CSMD1: variants seen among roughly 807,000 people sequenced by gnomAD.
CSMD1 encodes the protein CUB and Sushi multiple domains 1.
A neutral mutation model predicts 417.5 loss-of-function variants in CSMD1; 213 were observed. The ratio of observed to expected loss-of-function variants is 0.51; its 90% CI spans 0.46 to 0.57. CSMD1 has a LOEUF of 0.57. Ranked by LOEUF, CSMD1 falls within the 20% of genes least tolerant of loss-of-function variation. The pLI, the probability that CSMD1 is intolerant of heterozygous loss-of-function variation, is 0.00. For missense variants in CSMD1, 6,923 were observed against 4,529.7 expected, an observed-to-expected ratio of 1.53 and a Z score of -15.17; for synonymous variants, 2,862 against 1,736.8, an observed-to-expected ratio of 1.65 and a Z score of -16.11.
chr8:4,373,356 C>A (rs1021843093), intron 3 of CSMD1, among the ~76,000 whole-genome samples: 2 of 152,174 alleles, frequency 1.3e-5, no homozygotes, highest in Non-Finnish European at 2.9e-5. Context: ...AATAACGTGT[C>A]ACTGTTGGTT....
Position 4,848,602 on chromosome 8 carries a change from C to A in CSMD1, c.85+145730G>T, listed in dbSNP as rs75830302. Among the ~76,000 whole-genome samples the A allele has an allele frequency of 5.5e-3, 837 of 151,888 alleles. 14 individuals carry two copies. Among genetic ancestry groups the A allele is most frequent in the East Asian group, 0.041 (209 of 5,146 alleles). ...CACCCAGGCCTGCGGTGCTGTGGCA[C>A]CGTGTCGGCTCACTACAACCTCCGT... is the stretch of plus-strand genomic sequence containing the variant. On this transcript the variant is annotated intron_variant, in intron 1 of 69. Coordinates refer to ENST00000635120, the MANE Select transcript of CSMD1 (RefSeq NM_033225.6).
intron 7 of CSMD1, among the ~76,000 whole-genome samples, chr8:3,680,309 A>G (rs1799583167): frequency 6.6e-6 from 1 of 152,134 alleles, no homozygotes; most frequent in Non-Finnish European, 1.5e-5. Context: ...TAAAGAAGAA[A>G]AGAGAGAAGA....
At chr8:4,786,583 T>C (rs376676808) in intron 1 of CSMD1, among the ~76,000 whole-genome samples, 2 of 152,340 alleles carry the variant, frequency 1.3e-5, no homozygotes, top group East Asian at 3.9e-4. Context: ...TACAGCAGTG[T>C]GGCATTTGAG....
intron 3 of CSMD1, among the ~76,000 whole-genome samples, chr8:4,091,783 T>A (rs528862093): frequency 6.6e-6 from 1 of 152,316 alleles, no homozygotes; most frequent in East Asian, 1.9e-4. Context: ...TAAGTTGTAG[T>A]CACAAGGTTG....
chr8:4,070,692 C>G (rs549133801), intron 3 of CSMD1, among the ~76,000 whole-genome samples: 23 of 152,178 alleles, frequency 1.5e-4, no homozygotes, highest in Middle Eastern at 3.4e-3. Flanking sequence ...CACTGAAGAT[C>G]CAAGTTTTCA....
At chr8:4,588,852 C>G (rs1336047369) in intron 2 of CSMD1, among the ~76,000 whole-genome samples, 4 of 152,002 alleles carry the variant, frequency 2.6e-5, no homozygotes, top group Non-Finnish European at 5.9e-5. Context: ...GGCTGCTGCT[C>G]AAGCTTCCAC....
At chr8:3,197,223 G>A (rs950754416) in intron 33 of CSMD1, among the ~76,000 whole-genome samples, 4 of 150,016 alleles carry the variant, frequency 2.7e-5, no homozygotes, top group Admixed American at 2.0e-4. Context: ...CATGATCTGT[G>A]CATGTCTGGA....
chr8:3,062,742 G>C (rs946119892), intron 49 of CSMD1, among the ~76,000 whole-genome samples: 2 of 152,046 alleles, frequency 1.3e-5, no homozygotes, highest in African/African-American at 4.8e-5. Context: ...AGCAGAATAG[G>C]GTTGGCAAAT....
intron 57 of CSMD1, among the ~76,000 whole-genome samples, chr8:2,968,156 A>G (rs1804135364): frequency 6.6e-6 from 1 of 152,194 alleles, no homozygotes; most frequent in Non-Finnish European, 1.5e-5. Context: ...TCAAAATTTC[A>G]TTTTGCAATA....
At chr8:3,341,638 C>G (rs1418960149) in intron 23 of CSMD1, among the ~76,000 whole-genome samples, 1 of 152,106 alleles carries the variant, frequency 6.6e-6, no homozygotes, top group Non-Finnish European at 1.5e-5. Context: ...CCCAGGCCAA[C>G]GTTTTCTGCT....
At chr8:4,285,151 C>T (rs918415317) in intron 3 of CSMD1, among the ~76,000 whole-genome samples, 1 of 152,146 alleles carries the variant, frequency 6.6e-6, no homozygotes, top group South Asian at 2.1e-4. Context: ...TTTTGGTTGT[C>T]CACAAGTTTT....
At chr8:4,113,254 G>T (rs528520167) in intron 3 of CSMD1, among the ~76,000 whole-genome samples, 1 of 151,996 alleles carries the variant, frequency 6.6e-6, no homozygotes, top group African/African-American at 2.4e-5. Flanking sequence ...AGAAAGGACT[G>T]CACATCTCTC....
At chr8:3,428,146 T>C (rs1813977170) in intron 12 of CSMD1, among the ~76,000 whole-genome samples, 1 of 152,316 alleles carries the variant, frequency 6.6e-6, no homozygotes, top group African/African-American at 2.4e-5. Context: ...ATTATATAGG[T>C]TTTAGAAGTT....
At chr8:4,357,586 G>C (rs930342813) in intron 3 of CSMD1, among the ~76,000 whole-genome samples, 8 of 152,212 alleles carry the variant, frequency 5.3e-5, no homozygotes, top group African/African-American at 7.2e-5. Flanking sequence ...GGTCTGCTTA[G>C]TATTAGTCCT....
intron 47 of CSMD1, 66 bp downstream of exon 47, chr8:3,096,783 A>T (rs898492514): frequency 9.7e-7 from 1 of 1,029,164 alleles, no homozygotes; most frequent in East Asian, 2.7e-5. Flanking sequence ...TGTTACTAAA[A>T]CATTGTAATA....
chr8:2,948,602 A>G (rs1802411942), intron 68 of CSMD1, among the ~76,000 whole-genome samples: 1 of 152,172 alleles, frequency 6.6e-6, no homozygotes, highest in Non-Finnish European at 1.5e-5. Flanking sequence ...TTACATAAAA[A>G]TACTCATTGA....
intron 3 of CSMD1, among the ~76,000 whole-genome samples, chr8:4,313,985 G>C (rs879075415): frequency 1.3e-5 from 2 of 151,602 alleles, no homozygotes; most frequent in Non-Finnish European, 2.9e-5. Flanking sequence ...CTGCACTCCA[G>C]CCTGGGCAAC....
At chr8:3,174,875 T>C (rs1040421993) in intron 37 of CSMD1, among the ~76,000 whole-genome samples, 1 of 152,186 alleles carries the variant, frequency 6.6e-6, no homozygotes, top group Non-Finnish European at 1.5e-5. Context: ...TTTATCACTT[T>C]AAAAAATCTA....
At chr8:3,822,730 T>C (rs1801808225) in intron 5 of CSMD1, among the ~76,000 whole-genome samples, 1 of 152,174 alleles carries the variant, frequency 6.6e-6, no homozygotes, top group South Asian at 2.1e-4. Context: ...TCCTTTGGGT[T>C]TTGTTTGGCA....
Sources: gnomAD v4.1 joint callset for allele counts (sites outside exome capture counted in the v4.1 genomes callset) on GRCh38, gnomAD v4.1.1 for gene constraint, MANE v1.5 for transcripts, NCBI Gene and HGNC (gene_info 2026-07-23, HGNC 2026-07-21) for gene names.